Variants in PATJ observed in about 807,000 individuals in gnomAD.
The protein encoded by PATJ is inaD-like protein.
A neutral mutation model predicts 224.9 loss-of-function variants in PATJ; 190 were observed. The observed-to-expected ratio is 0.84, with a 90% CI of 0.75 to 0.95. The LOEUF (loss-of-function observed/expected upper bound fraction) is 0.95, where lower values mean the gene tolerates loss of function less well. Ranked by LOEUF, PATJ falls within the 40% of genes least tolerant of loss-of-function variation. The probability of loss-of-function intolerance (pLI) is 0.00; values close to 1 mark genes in which losing one functional copy is unlikely to be tolerated. For missense variants in PATJ, 2,121 were observed against 2,270.3 expected (o/e 0.93, Z 1.34); for synonymous variants, 769 against 820.3 (o/e 0.94, Z 1.07).
chr1:62,038,105 T>A, intron 30 of PATJ, 56 bp downstream of exon 30: 1 of 1,096,946 alleles, frequency 9.1e-7, no homozygotes, highest in East Asian at 2.6e-5. Flanking sequence ...CATGAGCATT[T>A]TCCCCCAATC....
At chr1:62,117,014 T>C in intron 36 of PATJ, 118 bp from the exon 37 acceptor site, 1 of 802,204 alleles carries the variant, frequency 1.2e-6, no homozygotes, top group South Asian at 1.7e-5. Context: ...TCTAGGGCTA[T>C]GCCTGTTGCT....
chr1:61,773,945 C>T (rs937606157), intron 6 of PATJ, among the ~76,000 whole-genome samples: 1 of 151,656 alleles, frequency 6.6e-6, no homozygotes, highest in Non-Finnish European at 1.5e-5. Flanking sequence ...ACGGTGAAAC[C>T]CCATCTCTAC....
intron 7 of PATJ, among the ~76,000 whole-genome samples, chr1:61,779,228 C>T (rs183823008): frequency 3.9e-5 from 6 of 152,278 alleles, no homozygotes; most frequent in Admixed American, 3.3e-4. Flanking sequence ...AAAAAATTGG[C>T]TCATGCCATG....
At chr1:61,772,633 T>C (rs1286963005) in intron 6 of PATJ, among the ~76,000 whole-genome samples, 1 of 152,242 alleles carries the variant, frequency 6.6e-6, no homozygotes, top group East Asian at 1.9e-4. Flanking sequence ...TATAGGCATT[T>C]TCCCTGTTGT....
intron 14 of PATJ, among the ~76,000 whole-genome samples, chr1:61,819,380 T>G (rs1656793653): frequency 1.3e-5 from 2 of 152,128 alleles, no homozygotes; most frequent in Admixed American, 6.6e-5. Flanking sequence ...TGGTTGTTTA[T>G]TTATGTATTT....
chr1:61,827,146 C>T (rs1658413158), intron 15 of PATJ, among the ~76,000 whole-genome samples: 2 of 152,010 alleles, frequency 1.3e-5, no homozygotes, highest in South Asian at 4.2e-4. Flanking sequence ...TTTGGTAGAT[C>T]CCTTACCCAG....
At chr1:61,937,895 C>G (rs1484229921) in intron 27 of PATJ, among the ~76,000 whole-genome samples, 1 of 152,170 alleles carries the variant, frequency 6.6e-6, no homozygotes, top group Non-Finnish European at 1.5e-5. Context: ...GATGATCCAC[C>G]TGCCTCGGCC....
intron 27 of PATJ, among the ~76,000 whole-genome samples, chr1:61,934,940 C>G (rs1036482179): frequency 1.3e-5 from 2 of 152,222 alleles, no homozygotes; most frequent in African/African-American, 4.8e-5. Context: ...AGCTTGACTT[C>G]TCTTTCCCCA....
intron 20 of PATJ, among the ~76,000 whole-genome samples, chr1:61,867,641 C>G (rs1192463178): frequency 6.7e-6 from 1 of 148,948 alleles, no homozygotes; most frequent in Non-Finnish European, 1.5e-5. Flanking sequence ...GCTCCCCAAA[C>G]CAGCATTGAG....
chr1:62,055,458 C>T (rs1039858213), intron 31 of PATJ, among the ~76,000 whole-genome samples: 5 of 152,158 alleles, frequency 3.3e-5, no homozygotes, highest in Admixed American at 6.5e-5. Context: ...TTCCGCTATT[C>T]GCTAACAATT....
In PATJ at chr1:62,021,292, C is replaced by T. The variant is rs116564842; in HGVS notation, c.3959+3345C>T. Among the ~76,000 whole-genome samples the T allele has an allele frequency of 4.1e-3, 624 of 152,260 alleles. 4 individuals carry two copies. Among genetic ancestry groups the T allele is most frequent in the African/African-American group, 0.014 (574 of 41,556 alleles). On this transcript the variant is annotated intron_variant, in intron 29 of 43. Coordinates refer to ENST00000642238, the MANE Select transcript of PATJ (RefSeq NM_001350145.3). ...GGCCTACTTTCTAGGGCACTAATCCCATCATGAGGGCCCCACTCTCATGAC... is the reference window on the plus strand; with the variant it reads ...GGCCTACTTTCTAGGGCACTAATCCTATCATGAGGGCCCCACTCTCATGAC...
intron 12 of PATJ, 61 bp downstream of exon 12, chr1:61,801,830 C>T (rs1570584967): frequency 9.0e-6 from 11 of 1,219,180 alleles, no homozygotes; most frequent in Non-Finnish European, 1.2e-5. Flanking sequence ...CATTTTCTGT[C>T]TTTATAGTTA....
chr1:62,028,964 A>AATACATAC (rs66669120), intron 29 of PATJ, among the ~76,000 whole-genome samples: 23,273 of 147,454 alleles, frequency 0.16, 2,088 homozygotes, highest in South Asian at 0.25. Context: ...CCTGTCTCAA[A>AATACATAC]ATACATACAT....
intron 18 of PATJ, among the ~76,000 whole-genome samples, chr1:61,857,985 A>G (rs1022617764): frequency 2.6e-5 from 4 of 152,216 alleles, no homozygotes; most frequent in Non-Finnish European, 5.9e-5. Flanking sequence ...GCTCATATGT[A>G]TAGATAGATG....
intron 29 of PATJ, among the ~76,000 whole-genome samples, chr1:62,031,633 G>A (rs551998850): frequency 8.6e-4 from 131 of 152,254 alleles, no homozygotes; most frequent in African/African-American, 3.0e-3. Flanking sequence ...ATGAGAGAAG[G>A]AGACATCTGT....
chr1:61,885,657 C>G (rs1668715979), intron 22 of PATJ, among the ~76,000 whole-genome samples: 2 of 152,052 alleles, frequency 1.3e-5, no homozygotes, highest in African/African-American at 2.4e-5. Context: ...TACCATTTGA[C>G]CCAGCCATCC....
chr1:61,983,867 C>T (rs1216685636), intron 27 of PATJ, among the ~76,000 whole-genome samples: 1 of 151,972 alleles, frequency 6.6e-6, no homozygotes, highest in Non-Finnish European at 1.5e-5. Context: ...CTCTGTCACC[C>T]AGGCTGGAGT....
Position 61,791,311 on chromosome 1 carries a change from C to T in PATJ, c.1069-37C>T, listed in dbSNP as rs1291647277. The stretch of plus-strand genomic sequence containing the variant: ...TGACTATGTACACACAGGTATGCCA[C>T]TAAGCATATATAATTAAATTTGTTT... On this transcript the variant is annotated intron_variant, in intron 8 of 43. Transcript: ENST00000642238. 2.5e-6 allele frequency: 3 copies of T among 1,220,226 alleles called. No homozygotes were observed. The African/African-American group carries it at 4.5e-5, about 18-fold the overall frequency. The allele number at this position is 1,220,226 out of a possible 1,614,324, so 75.6% of individuals were successfully genotyped here.
intron 31 of PATJ, among the ~76,000 whole-genome samples, chr1:62,071,952 C>T (rs1657497464): frequency 6.6e-6 from 1 of 152,160 alleles, no homozygotes; most frequent in Non-Finnish European, 1.5e-5. Flanking sequence ...ACAGAGTAAA[C>T]CCATGCTTTC....
Sources: gnomAD v4.1 joint callset for allele counts (sites outside exome capture counted in the v4.1 genomes callset) on GRCh38, gnomAD v4.1.1 for gene constraint, MANE v1.5 for transcripts, NCBI Gene and HGNC (gene_info 2026-07-23, HGNC 2026-07-21) for gene names.